The following TTC28 variants were observed in gnomAD, a reference collection of about 807,000 sequenced individuals.
The protein encoded by TTC28 is tetratricopeptide repeat domain 28.
Under a neutral mutation model 198.0 loss-of-function variants are expected in TTC28, and 61 were observed. The observed-to-expected ratio is 0.31, with a 90% CI of 0.25 to 0.38. TTC28 has a LOEUF of 0.38. Among genes scored for constraint, TTC28 ranks in the 10% least tolerant of loss-of-function variants. TTC28 has a pLI of 1.00. For synonymous variants in TTC28, 1,171 were observed against 1,297.8 expected (o/e 0.90, Z 2.10); for missense variants, 2,678 against 3,164.0 (o/e 0.85, Z 3.69).
At chr22:28,454,217 A>G (rs561593408) in intron 2 of TTC28, among the ~76,000 whole-genome samples, 1 of 152,328 alleles carries the variant, frequency 6.6e-6, no homozygotes, top group African/African-American at 2.4e-5. Context: ...ACAATTTGAA[A>G]TTACATTATT....
chr22:28,073,020 G>A (rs559668603), intron 12 of TTC28, among the ~76,000 whole-genome samples: 1 of 152,264 alleles, frequency 6.6e-6, no homozygotes, highest in East Asian at 1.9e-4. Flanking sequence ...TAGTTCTGTG[G>A]GCATGTTATC....
chr22:28,639,242 TA>T (rs1190607993), intron 1 of TTC28, among the ~76,000 whole-genome samples: 1 of 152,196 alleles, frequency 6.6e-6, no homozygotes, highest in East Asian at 1.9e-4. Flanking sequence ...GTAATTATTA[TA>T]AATCCAGCCA....
At chr22:28,168,400 C>G (rs980530143) in intron 5 of TTC28, among the ~76,000 whole-genome samples, 2 of 152,208 alleles carry the variant, frequency 1.3e-5, no homozygotes, top group African/African-American at 2.4e-5. Flanking sequence ...CTGGAGGCAT[C>G]ACGCTACCTG....
chr22:28,640,306 A>C (rs1332156235), intron 1 of TTC28, among the ~76,000 whole-genome samples: 1 of 124,806 alleles, frequency 8.0e-6, no homozygotes, highest in Non-Finnish European at 1.7e-5. Flanking sequence ...AGGAGAAAAA[A>C]AGTAAAGGGG....
chr22:28,596,948 C>T (rs1329052491), intron 2 of TTC28, among the ~76,000 whole-genome samples: 1 of 152,118 alleles, frequency 6.6e-6, no homozygotes, highest in South Asian at 2.1e-4. Context: ...ATTAACTGAA[C>T]AAAATACAGC....
intron 2 of TTC28, among the ~76,000 whole-genome samples, chr22:28,464,486 A>G (rs1456802464): frequency 6.6e-6 from 1 of 152,100 alleles, no homozygotes; most frequent in East Asian, 1.9e-4. Flanking sequence ...TTTCCTGATT[A>G]CCTGCATATC....
chr22:28,030,443 G>T, intron 12 of TTC28, 77 bp from the exon 13 acceptor site: 1 of 1,517,686 alleles, frequency 6.6e-7, no homozygotes. Context: ...GAGGTCCTAT[G>T]CCATTCTGTC....
At chr22:28,276,201 C>T (rs1186675719) in intron 5 of TTC28, among the ~76,000 whole-genome samples, 1 of 151,684 alleles carries the variant, frequency 6.6e-6, no homozygotes, top group Non-Finnish European at 1.5e-5. Context: ...TTTGTAGACA[C>T]GAGGTTTCGC....
intron 5 of TTC28, among the ~76,000 whole-genome samples, chr22:28,213,618 C>G (rs949997325): frequency 7.9e-6 from 1 of 126,686 alleles, no homozygotes; most frequent in Admixed American, 8.4e-5. Context: ...CACTGCTCAA[C>G]AAAATAAAAG....
intron 2 of TTC28, among the ~76,000 whole-genome samples, chr22:28,488,925 C>G (rs151029314): frequency 6.6e-6 from 1 of 152,268 alleles, no homozygotes; most frequent in East Asian, 1.9e-4. Context: ...GAAACCCCAA[C>G]AGATTTAAAA....
chr22:28,009,317 A>T (rs142449408), intron 14 of TTC28, among the ~76,000 whole-genome samples: 10 of 152,368 alleles, frequency 6.6e-5, no homozygotes, highest in Non-Finnish European at 1.3e-4. Context: ...GACTGCGGCT[A>T]AACAAAGGCA....
At chr22:28,411,678 T>C (rs1156637372) in intron 2 of TTC28, among the ~76,000 whole-genome samples, 1 of 152,244 alleles carries the variant, frequency 6.6e-6, no homozygotes, top group Non-Finnish European at 1.5e-5. Flanking sequence ...ATTGATGATC[T>C]CTGTGGTTGC....
chr22:28,222,377 G>T (rs1202861674), intron 5 of TTC28, among the ~76,000 whole-genome samples: 1 of 152,188 alleles, frequency 6.6e-6, no homozygotes, highest in Non-Finnish European at 1.5e-5. Flanking sequence ...AAACCTACAC[G>T]ACCCGAAGGT....
chr22:28,591,038 CACATATATATATATATATAT>C lies in TTC28; in HGVS notation c.381+38494_381+38513del, dbSNP rs1302991337. On this transcript the variant is annotated intron_variant, in intron 2 of 22. Transcript: ENST00000397906. ...ACACACACACACACACACACACACA[CACATATATATATATATATAT>C]ATATATATATATATATATATATATA... Among the ~76,000 whole-genome samples, 16 of 24,524 alleles carry C rather than the reference CACATATATATATATATATAT, an allele frequency of 6.5e-4. No homozygotes were observed. The South Asian group carries it at 7.8e-3, about 12-fold the overall frequency. 16.1% of individuals were successfully genotyped at this position (24,524 alleles called of 152,430 possible). A position where few individuals can be genotyped will look rare whatever the true frequency, so the allele number is the denominator to read the frequency against.
chr22:27,992,169 C>T (rs1045547937), intron 19 of TTC28, among the ~76,000 whole-genome samples: 1 of 152,118 alleles, frequency 6.6e-6, no homozygotes, highest in African/African-American at 2.4e-5. Flanking sequence ...CCATAAGCAT[C>T]CTCTGAAGGC....
At chr22:28,188,680 C>T (rs1924437213) in intron 5 of TTC28, among the ~76,000 whole-genome samples, 1 of 152,120 alleles carries the variant, frequency 6.6e-6, no homozygotes, top group African/African-American at 2.4e-5. Flanking sequence ...GTGAGATTCT[C>T]CTCACCCAGT....
intron 5 of TTC28, among the ~76,000 whole-genome samples, chr22:28,199,303 A>T (rs1379133659): frequency 1.3e-5 from 2 of 150,504 alleles, no homozygotes; most frequent in Non-Finnish European, 3.0e-5. Flanking sequence ...TGAATTGGAA[A>T]TATCCCTAAG....
In TTC28 at chr22:28,107,183, C is replaced by T. The variant is rs867430519; in HGVS notation, c.2662G>A (p.Glu888Lys). 17 of 1,551,580 alleles carry T rather than the reference C, an allele frequency of 1.1e-5. No individual in the cohort carries two copies. The highest frequency in any genetic ancestry group is 3.9e-5 in the Admixed American group (2 of 50,988). The change falls in exon 7 of 23, where the codon GAA (glutamate) becomes AAA (lysine). Residue 888 changes from glutamate (E) to lysine (K), a missense_variant. Physicochemically the swap from Glu to Lys is moderately conservative, Grantham distance 56. Around this residue, in one of 8 missense-constraint regions of TTC28, gnomAD observed 775 missense variants for 845.9 expected, o/e 0.92. Coordinates refer to ENST00000397906, the MANE Select transcript of TTC28 (RefSeq NM_001145418.2). ...RAYGNLGDCY[E>K]ALGDYEEAIK... is the part of the protein sequence containing the mutation. ...GCTTCCTCATAGTCACCCAGGGCTTCGTAGCAATCCCCCAGGTTGCCATAG... is the reference window on the plus strand; with the variant it reads ...GCTTCCTCATAGTCACCCAGGGCTTTGTAGCAATCCCCCAGGTTGCCATAG...
chr22:28,483,934 C>T (rs1229130770), intron 2 of TTC28, among the ~76,000 whole-genome samples: 1 of 152,122 alleles, frequency 6.6e-6, no homozygotes, highest in African/African-American at 2.4e-5. Flanking sequence ...TGAGTATATA[C>T]TGCTTTAAAA....
Sources: allele counts gnomAD v4.1 joint callset (sites outside exome capture counted in the v4.1 genomes callset), GRCh38; gene constraint gnomAD v4.1.1; regional missense constraint gnomAD v4.1.1; transcripts MANE v1.5; gene names NCBI Gene and HGNC (gene_info 2026-07-23, HGNC 2026-07-21).